The following INPP5D variants were observed in gnomAD, a reference collection of about 807,000 sequenced individuals.
INPP5D encodes inositol polyphosphate-5-phosphatase D.
A neutral mutation model predicts 122.9 loss-of-function variants in INPP5D; 33 were observed. The ratio of observed to expected loss-of-function variants is 0.27; its 90% CI spans 0.20 to 0.36. INPP5D has a LOEUF of 0.36. INPP5D is among the 10% of genes least tolerant of loss of function. INPP5D has a pLI of 1.00. For synonymous variants in INPP5D, 584 were observed against 576.2 expected, an observed-to-expected ratio of 1.01 and a Z score of -0.19; for missense variants, 1,053 against 1,412.7, an observed-to-expected ratio of 0.75 and a Z score of 4.08.
chr2:233,163,492 C>A (rs551048249), intron 11 of INPP5D, among the ~76,000 whole-genome samples: 1 of 152,124 alleles, frequency 6.6e-6, no homozygotes, highest in South Asian at 2.1e-4. Flanking sequence ...CTTGACATTA[C>A]GTTTAAAAAG....
chr2:233,116,436 G>A (rs142130526), intron 2 of INPP5D, among the ~76,000 whole-genome samples: 96 of 151,394 alleles, frequency 6.3e-4, no homozygotes, highest in African/African-American at 2.2e-3. Flanking sequence ...ACTACAGGGT[G>A]CACCACTACG....
rs1383095786 is a variant in INPP5D, at chr2:233,189,490, C to G, written c.2359-360C>G. Among the ~76,000 whole-genome samples, 1 of 152,180 alleles carries G rather than the reference C, an allele frequency of 6.6e-6. No individual in the cohort carries two copies. The highest frequency in any genetic ancestry group is 1.5e-5 in the Non-Finnish European group (1 of 68,018). The stretch of plus-strand genomic sequence containing the variant: ...ATTCCAGACCTGGTGCCTGGCCCCA[C>G]TTCCCCGCCAGCCTGCCTTCTCCTC... On this transcript the variant is annotated intron_variant, in intron 21 of 26. Transcript: ENST00000445964. This position sits in a 1 kb window ranked among gnomAD's most constrained non-coding sequence, Gnocchi z 5.6.
chr2:233,154,458 G>A (rs1394614531), intron 9 of INPP5D, among the ~76,000 whole-genome samples: 1 of 152,192 alleles, frequency 6.6e-6, no homozygotes, highest in Non-Finnish European at 1.5e-5. Context: ...GCTATTTCTT[G>A]TGGCCCAATA....
chr2:233,061,363 G>A (rs1691069673), intron 1 of INPP5D, among the ~76,000 whole-genome samples: 2 of 152,190 alleles, frequency 1.3e-5, no homozygotes, highest in East Asian at 3.9e-4. Context: ...CCCCCTTCCT[G>A]TCCAGCGTCT....
intron 4 of INPP5D, among the ~76,000 whole-genome samples, chr2:233,126,938 A>T (rs1165775596): frequency 4.6e-5 from 7 of 151,240 alleles, no homozygotes; most frequent in Non-Finnish European, 1.0e-4. Context: ...AAAAAATTCC[A>T]CATCGAGCCC....
intron 17 of INPP5D, 143 bp downstream of exon 17, chr2:233,171,295 TGTTACAGA>T: frequency 7.6e-7 from 1 of 1,318,818 alleles, no homozygotes; most frequent in Middle Eastern, 2.7e-4. Flanking sequence ...TGTTGATTTG[TGTTACAGA>T]GTAAATGGGA....
chr2:233,112,651 T>C (rs1464148972), intron 2 of INPP5D, among the ~76,000 whole-genome samples: 1 of 152,182 alleles, frequency 6.6e-6, no homozygotes, highest in Non-Finnish European at 1.5e-5. Context: ...ATACACTCAT[T>C]CATGCACCTG....
intron 1 of INPP5D, among the ~76,000 whole-genome samples, chr2:233,069,087 C>T (rs185380473): frequency 2.6e-4 from 40 of 152,310 alleles, no homozygotes; most frequent in Admixed American, 2.1e-3. Flanking sequence ...TTGACAGGTG[C>T]GGCAGCACGT....
Position 233,078,136 on chromosome 2 carries a change from G to A in INPP5D, c.135-1199G>A, listed in dbSNP as rs760239972. Among the ~76,000 whole-genome samples, 10 of 152,178 alleles carry A rather than the reference G, an allele frequency of 6.6e-5. No individual in the cohort carries two copies. The highest frequency in any genetic ancestry group is 1.2e-4 in the Non-Finnish European group (8 of 68,034). On this transcript the variant is annotated intron_variant, in intron 1 of 26. Coordinates refer to ENST00000445964, the MANE Select transcript of INPP5D (RefSeq NM_001017915.3). The surrounding 1 kb of genome is among the most constrained non-coding windows in gnomAD (Gnocchi z 4.6). ...CCTAAGATCCAAATAGCTTTCCCTC[G>A]ATCTCCTGACAGCCTTCTGGCCTCA...
rs368381059 is a variant in INPP5D, at chr2:233,102,767, A to G, written c.199-19340A>G. On this transcript the variant is annotated intron_variant, in intron 2 of 26. Coordinates refer to ENST00000445964, the MANE Select transcript of INPP5D (RefSeq NM_001017915.3). Reference sequence around the variant, plus strand: ...CGGGAGGCTGAGGCAGGAGAATGGCATGAACCCGGGAAGCGGAGCTTGCAG... The same window carrying G: ...CGGGAGGCTGAGGCAGGAGAATGGCGTGAACCCGGGAAGCGGAGCTTGCAG... 2.6e-4 allele frequency among the ~76,000 whole-genome samples: 40 copies of G among 151,052 alleles called. 2 individuals are homozygous for G. In the East Asian group the frequency reaches 7.5e-3, roughly 28 times the overall value.
intron 1 of INPP5D, 55 bp downstream of exon 1, chr2:233,060,667 G>C: frequency 6.2e-7 from 1 of 1,601,724 alleles, no homozygotes; most frequent in Non-Finnish European, 8.5e-7. Flanking sequence ...GGCTTAGAGG[G>C]GGCCCAGCTT....
At chr2:233,086,865 A>G (rs547256064) in intron 2 of INPP5D, among the ~76,000 whole-genome samples, 1 of 152,270 alleles carries the variant, frequency 6.6e-6, no homozygotes, top group African/African-American at 2.4e-5. Context: ...ACGGTCTGAC[A>G]ACACAGTCTC....
intron 2 of INPP5D, chr2:233,120,629 G>C (rs1692942122): frequency 6.6e-6 from 1 of 152,356 alleles, no homozygotes; most frequent in African/African-American, 2.4e-5. Flanking sequence ...CCTCTTTGGG[G>C]CTCATTCCTG....
In INPP5D at chr2:233,060,410, C is replaced by T; in HGVS notation, c.-69C>T. The T allele has an allele frequency of 6.7e-7, 1 of 1,491,036 alleles. No individual in the cohort carries two copies. Among genetic ancestry groups the T allele is most frequent in the Non-Finnish European group, 9.0e-7 (1 of 1,108,842 alleles). The allele number at this position is 1,491,036 out of a possible 1,614,324, so 92.4% of individuals were successfully genotyped here. A position where few individuals can be genotyped will look rare whatever the true frequency, so the allele number is the denominator to read the frequency against. ...GCGGCAGGTTGCAGTGGAGGGGCCT[C>T]CGCTCCCCTCGGTGGTGTGTGGGTC... On this transcript the variant is annotated 5_prime_UTR_variant, in exon 1 of 27. Coordinates refer to ENST00000445964, the MANE Select transcript of INPP5D (RefSeq NM_001017915.3).
At chr2:233,072,796 T>A (rs184919740) in intron 1 of INPP5D, among the ~76,000 whole-genome samples, 3 of 152,262 alleles carry the variant, frequency 2.0e-5, no homozygotes, top group African/African-American at 7.2e-5. Flanking sequence ...TCTTTTATTG[T>A]GGCTGTCTTC....
chr2:233,111,474 C>A (rs962856747), intron 2 of INPP5D, among the ~76,000 whole-genome samples: 1 of 152,202 alleles, frequency 6.6e-6, no homozygotes, highest in African/African-American at 2.4e-5. Flanking sequence ...GGCACAGTTC[C>A]TTGCCTTTTC....
chr2:233,170,325 G>A lies in INPP5D; in HGVS notation c.1791+161G>A, dbSNP rs1020476412. The A allele has an allele frequency of 1.3e-5, 19 of 1,476,290 alleles. No homozygotes were observed. Among genetic ancestry groups the A allele is most frequent in the Admixed American group, 6.7e-5 (3 of 44,922 alleles). The allele number at this position is 1,476,290 out of a possible 1,614,324, so 91.4% of individuals were successfully genotyped here. On this transcript the variant is annotated intron_variant, in intron 15 of 26. Coordinates refer to ENST00000445964, the MANE Select transcript of INPP5D (RefSeq NM_001017915.3). This position sits in a 1 kb window ranked among gnomAD's most constrained non-coding sequence, Gnocchi z 4.5. ...CTGTTTCCATTACTGAGCCTCAGCC[G>A]CTCCTCACGGTTCCCCTGTGCTCAC...
chr2:233,201,780 G>C (rs189768991), intron 25 of INPP5D, among the ~76,000 whole-genome samples: 166 of 152,306 alleles, frequency 1.1e-3, no homozygotes, highest in Admixed American at 9.3e-3. Context: ...CTCAGCCCCT[G>C]GCCAGTGCTT....
At chr2:233,063,644 G>T (rs1329102420) in intron 1 of INPP5D, among the ~76,000 whole-genome samples, 3 of 152,228 alleles carry the variant, frequency 2.0e-5, no homozygotes, top group Non-Finnish European at 2.9e-5. Context: ...CTACCACTGG[G>T]CAGGAAAGCT....
Sources: allele counts gnomAD v4.1 joint callset (sites outside exome capture counted in the v4.1 genomes callset), GRCh38; gene constraint gnomAD v4.1.1; non-coding constraint Gnocchi (gnomAD v3.1); transcripts MANE v1.5; gene names NCBI Gene and HGNC (gene_info 2026-07-23, HGNC 2026-07-21).